The following CFAP52 variants were observed in gnomAD, a reference collection of about 807,000 sequenced individuals.
The protein encoded by CFAP52 is cilia- and flagella-associated protein 52.
A neutral mutation model predicts 70.5 loss-of-function variants in CFAP52; 57 were observed. The observed-to-expected ratio is 0.81, with a 90% CI of 0.65 to 1.01. The LOEUF is 1.01. Ranked by LOEUF, CFAP52 falls within the 50% of genes least tolerant of loss-of-function variation. The pLI is 0.00. For synonymous variants in CFAP52, 267 were observed against 292.5 expected, an observed-to-expected ratio of 0.91 and a Z score of 0.89; for missense variants, 785 against 788.5, an observed-to-expected ratio of 1.00 and a Z score of 0.05.
Position 9,598,215 on chromosome 17 carries a change from G to GTT in CFAP52, c.537-8_537-7dup, listed in dbSNP as rs57409272. On this transcript the variant is annotated intron_variant, in intron 4 of 13. Coordinates refer to ENST00000352665, the MANE Select transcript of CFAP52 (RefSeq NM_145054.5). Reference sequence around the variant, plus strand: ...GGTGTCCATTTGATTGTGGTTTTTTGTTTTTTTTTTTTACATAGTGGGACA... The same window carrying GTT: ...GGTGTCCATTTGATTGTGGTTTTTTGTTTTTTTTTTTTTTACATAGTGGGACA... 3.0e-3 allele frequency: 3,688 copies of GTT among 1,219,908 alleles called. No homozygotes were observed. The highest frequency in any genetic ancestry group is 0.024 in the East Asian group (925 of 38,730). The allele number at this position is 1,219,908 out of a possible 1,614,324, so 75.6% of individuals were successfully genotyped here. A position where few individuals can be genotyped will look rare whatever the true frequency, so the allele number is the denominator to read the frequency against.
chr17:9,613,026 G>A (rs1321186470), intron 8 of CFAP52, among the ~76,000 whole-genome samples: 1 of 152,092 alleles, frequency 6.6e-6, no homozygotes, highest in East Asian at 1.9e-4. Context: ...GCTAACCTAG[G>A]ATGTTCAGTA....
intron 11 of CFAP52, among the ~76,000 whole-genome samples, chr17:9,636,251 G>GAA (rs1555544715): frequency 0.047 from 4,595 of 97,620 alleles, 331 homozygotes; most frequent in East Asian, 0.19. Context: ...AAGAAAGAAA[G>GAA]AGAAAGAAAA....
chr17:9,625,432 T>C (rs925427303), intron 8 of CFAP52, among the ~76,000 whole-genome samples: 4 of 149,024 alleles, frequency 2.7e-5, no homozygotes, highest in Non-Finnish European at 5.9e-5. Context: ...TAGCTAGGGA[T>C]ACATGTATAA....
At chr17:9,614,215 G>A (rs1446023195) in intron 8 of CFAP52, among the ~76,000 whole-genome samples, 1 of 144,600 alleles carries the variant, frequency 6.9e-6, no homozygotes, top group Non-Finnish European at 1.5e-5. Flanking sequence ...GAGTGCAGTG[G>A]CACGATCTTG....
At chr17:9,598,138 A>G (rs1439239789) in intron 4 of CFAP52, 96 bp from the exon 5 acceptor site, 1 of 960,558 alleles carries the variant, frequency 1.0e-6, no homozygotes, top group Non-Finnish European at 1.6e-6. Context: ...GAAGCCTCAA[A>G]AATGTTTAGA....
At chr17:9,608,984 G>A (rs1909615301) in intron 7 of CFAP52, among the ~76,000 whole-genome samples, 1 of 152,168 alleles carries the variant, frequency 6.6e-6, no homozygotes, top group African/African-American at 2.4e-5. Flanking sequence ...AGAGATCAGA[G>A]AAGAGGATGA....
chr17:9,635,750 C>A (rs1445688989), intron 11 of CFAP52, among the ~76,000 whole-genome samples, 194 bp downstream of exon 11: 1 of 152,134 alleles, frequency 6.6e-6, no homozygotes, highest in East Asian at 1.9e-4. Context: ...TTACAATTTC[C>A]AGGAAGAACT....
chr17:9,645,545 G>A (rs1597803111), downstream of CFAP52: 3 of 1,130,130 alleles, frequency 2.7e-6, no homozygotes, highest in South Asian at 1.3e-4. The surrounding 1 kb of genome is among the most constrained non-coding windows in gnomAD (Gnocchi z 6.8). Context: ...GCCGGCACCA[G>A]GAGCCTTAGA....
intron 1 of CFAP52, among the ~76,000 whole-genome samples, chr17:9,578,086 C>T (rs1353449759): frequency 1.3e-5 from 2 of 151,904 alleles, no homozygotes; most frequent in African/African-American, 2.4e-5. Context: ...AGCGAGACTC[C>T]GTCTCAAAAA....
rs115389354 is a variant in CFAP52, at chr17:9,592,047, T to C, written c.408-2146T>C. ...GGCACTTGGATTTTTTTAATTGAAA[T>C]ACATTTCACATATCATAAAATTGAC... On this transcript the variant is annotated intron_variant, in intron 3 of 13. Transcript: ENST00000352665. Among the ~76,000 whole-genome samples, 520 of 152,308 alleles carry C rather than the reference T, an allele frequency of 3.4e-3. 5 individuals carry two copies. Among genetic ancestry groups the C allele is most frequent in the African/African-American group, 0.012 (495 of 41,560 alleles).
intron 8 of CFAP52, among the ~76,000 whole-genome samples, chr17:9,627,041 C>A (rs930140051): frequency 6.6e-6 from 1 of 150,414 alleles, no homozygotes; most frequent in African/African-American, 2.4e-5. Context: ...ATTACTTCTT[C>A]TTATTATTTG....
chr17:9,641,679 T>C (rs777244447), intron 12 of CFAP52, 45 bp from the exon 13 acceptor site: 2 of 1,442,458 alleles, frequency 1.4e-6, no homozygotes, highest in East Asian at 2.3e-5. Flanking sequence ...CATGGATGAC[T>C]CTCCTGAGCT....
chr17:9,580,658 C>T (rs1040019014), intron 1 of CFAP52, among the ~76,000 whole-genome samples: 3 of 149,718 alleles, frequency 2.0e-5, no homozygotes, highest in Non-Finnish European at 4.4e-5. Flanking sequence ...CACTGCACTC[C>T]TGCCTGGGCA....
chr17:9,633,923 C>T (rs191301974), intron 10 of CFAP52, among the ~76,000 whole-genome samples: 2,886 of 152,110 alleles, frequency 0.019, 43 homozygotes, highest in Admixed American at 0.039. Context: ...CCTCGTGATC[C>T]GCCTGCCTCG....
chr17:9,586,576 A>G (rs1597764178), intron 2 of CFAP52, 122 bp from the exon 3 acceptor site: 2 of 1,339,812 alleles, frequency 1.5e-6, no homozygotes, highest in Non-Finnish European at 9.8e-7. Flanking sequence ...AACAAAAAAA[A>G]AAAAAAAAAG....
chr17:9,599,991 T>C, intron 5 of CFAP52, 76 bp from the exon 6 acceptor site: 1 of 1,238,610 alleles, frequency 8.1e-7, no homozygotes, highest in South Asian at 1.2e-5. Flanking sequence ...TCCACCCGCC[T>C]CGGCCTCCCA....
At chr17:9,586,550 A>T in intron 2 of CFAP52, 148 bp from the exon 3 acceptor site, 2 of 1,085,024 alleles carry the variant, frequency 1.8e-6, no homozygotes, top group Non-Finnish European at 2.5e-6. Flanking sequence ...GGCAAAAAAG[A>T]GTGAGACTCC....
intron 9 of CFAP52, among the ~76,000 whole-genome samples, chr17:9,631,036 GA>G (rs1910485401): frequency 2.0e-5 from 1 of 50,998 alleles, no homozygotes; most frequent in African/African-American, 8.9e-5. Context: ...GAAAGAGAGA[GA>G]GAGAGAGAGA....
chr17:9,608,973 T>C lies in CFAP52; in HGVS notation c.854+754T>C, dbSNP rs1272388860. The stretch of plus-strand genomic sequence containing the variant: ...AAAGTAAAATATATTATGAATGTTG[T>C]AGAGATCAGAGAAGAGGATGACCTT... On this transcript the variant is annotated intron_variant, in intron 7 of 13. Coordinates refer to ENST00000352665, the MANE Select transcript of CFAP52 (RefSeq NM_145054.5). 3.3e-5 allele frequency among the ~76,000 whole-genome samples: 5 copies of C among 152,074 alleles called. No individual in the cohort carries two copies. The East Asian group carries it at 9.6e-4, about 29-fold the overall frequency.
Sources: gnomAD v4.1 joint callset for allele counts (sites outside exome capture counted in the v4.1 genomes callset) on GRCh38, gnomAD v4.1.1 for gene constraint, Gnocchi (gnomAD v3.1) non-coding constraint, MANE v1.5 for transcripts, NCBI Gene and HGNC (gene_info 2026-07-23, HGNC 2026-07-21) for gene names.